Variants in CPNE3 observed in about 807,000 individuals in gnomAD.
The protein encoded by CPNE3 is copine-3.
A neutral mutation model predicts 63.9 loss-of-function variants in CPNE3; 68 were observed. That is an observed-to-expected ratio of 1.06 (90% CI 0.87 to 1.30). The LOEUF (loss-of-function observed/expected upper bound fraction) is 1.30, where lower values mean the gene tolerates loss of function less well. CPNE3 is among the 50% of genes most tolerant of loss of function. The pLI is 0.00. For missense variants in CPNE3, 665 were observed against 578.1 expected (o/e 1.15, Z -1.54); for synonymous variants, 219 against 197.5 (o/e 1.11, Z -0.91).
intron 2 of CPNE3, among the ~76,000 whole-genome samples, chr8:86,527,339 C>T (rs1820562941): frequency 6.6e-6 from 1 of 152,144 alleles, no homozygotes; most frequent in African/African-American, 2.4e-5. Flanking sequence ...CCTTTCATTC[C>T]CTGGGTTCAT....
rs117417588 is a variant in CPNE3 at position 86,528,411 on chromosome 8, G to A, written c.-10-125G>A. On this transcript the variant is annotated intron_variant, in intron 2 of 16. Coordinates refer to ENST00000517490, the MANE Select transcript of CPNE3 (RefSeq NM_003909.5). Reference sequence around the variant, plus strand: ...GAGGTGCATATAACAGTCTGATTCTGGCAAGTTCACTCTATAAGCCTATTG... The same window carrying A: ...GAGGTGCATATAACAGTCTGATTCTAGCAAGTTCACTCTATAAGCCTATTG... The A allele has an allele frequency of 3.3e-3, 3,193 of 971,322 alleles. 10 individuals carry two copies. Among genetic ancestry groups the A allele is most frequent in the Non-Finnish European group, 4.4e-3 (2,849 of 653,294 alleles). The allele number at this position is 971,322 out of a possible 1,614,324, so 60.2% of individuals were successfully genotyped here.
chr8:86,515,102 AT>A (rs1248521247), intron 1 of CPNE3: 1 of 152,112 alleles, frequency 6.6e-6, no homozygotes, highest in Non-Finnish European at 1.5e-5. Flanking sequence ...AAACAAGGAG[AT>A]TGTGAGAAGT....
At chr8:86,553,098 T>C (rs1899288) in intron 14 of CPNE3, among the ~76,000 whole-genome samples, 126,843 of 150,964 alleles carry the variant, frequency 0.84, 53,961 homozygotes, top group African/African-American at 0.92. Context: ...TGCTGACCTC[T>C]TGTGATCTAC....
intron 5 of CPNE3, among the ~76,000 whole-genome samples, chr8:86,531,561 C>G (rs746682839): frequency 6.6e-6 from 1 of 152,088 alleles, no homozygotes; most frequent in Admixed American, 6.6e-5. Context: ...GTTTGGTTCT[C>G]TACTGGAGGA....
chr8:86,527,249 C>T (rs754533353), intron 2 of CPNE3, among the ~76,000 whole-genome samples: 17 of 152,162 alleles, frequency 1.1e-4, no homozygotes, highest in Non-Finnish European at 2.2e-4. Flanking sequence ...TGCCCTAGCA[C>T]CATCAACCTC....
At chr8:86,548,954 C>G (rs1319768239) in intron 12 of CPNE3, among the ~76,000 whole-genome samples, 3 of 152,074 alleles carry the variant, frequency 2.0e-5, no homozygotes, top group Non-Finnish European at 4.4e-5. Flanking sequence ...TGACTTTTAA[C>G]AAGTGCTGAA....
intron 14 of CPNE3, among the ~76,000 whole-genome samples, chr8:86,554,404 A>G (rs569056021): frequency 6.6e-6 from 1 of 152,376 alleles, no homozygotes; most frequent in South Asian, 2.1e-4. Flanking sequence ...TAGAATTAAT[A>G]TTAGGTTTAT....
At chr8:86,553,055 G>T (rs1305811004) in intron 14 of CPNE3, among the ~76,000 whole-genome samples, 2 of 144,980 alleles carry the variant, frequency 1.4e-5, no homozygotes, top group African/African-American at 5.1e-5. Flanking sequence ...GTAAAGACAG[G>T]GTTTCACCAT....
At chr8:86,536,382 T>G (rs891055351) in intron 6 of CPNE3, among the ~76,000 whole-genome samples, 4 of 150,958 alleles carry the variant, frequency 2.6e-5, no homozygotes, top group Non-Finnish European at 5.9e-5. Flanking sequence ...AATTATTGTT[T>G]TAGTTCTAAT....
intron 2 of CPNE3, among the ~76,000 whole-genome samples, chr8:86,528,072 C>A (rs978656270): frequency 6.7e-6 from 1 of 150,198 alleles, no homozygotes; most frequent in African/African-American, 2.5e-5. Context: ...CCTCAGCCTT[C>A]CTAGTAGCTG....
Position 86,560,460 on chromosome 8 carries a change from A to T in CPNE3, c.*2050A>T, listed in dbSNP as rs1296739192. On this transcript the variant is annotated 3_prime_UTR_variant, in exon 17 of 17. Coordinates refer to ENST00000517490, the MANE Select transcript of CPNE3 (RefSeq NM_003909.5). Reference sequence around the variant, plus strand: ...CCACAGCAGCCCCTGAGTCACCTGCACAAGGTGCTTGGGAACTGCTGGTTA... The same window carrying T: ...CCACAGCAGCCCCTGAGTCACCTGCTCAAGGTGCTTGGGAACTGCTGGTTA... The T allele has an allele frequency of 6.6e-6, 1 of 152,186 alleles. No homozygotes were observed. The highest frequency in any genetic ancestry group is 1.9e-4 in the East Asian group (1 of 5,196). The allele number at this position is 152,186 out of a possible 1,614,324, so 9.4% of individuals were successfully genotyped here. A position where few individuals can be genotyped will look rare whatever the true frequency, so the allele number is the denominator to read the frequency against.
At chr8:86,530,810 G>A (rs1820662988) in intron 4 of CPNE3, among the ~76,000 whole-genome samples, 1 of 151,290 alleles carries the variant, frequency 6.6e-6, no homozygotes, top group Non-Finnish European at 1.5e-5. Flanking sequence ...TCCTGCCTCA[G>A]TATCCCGAGT....
In CPNE3 at chr8:86,515,785, G is replaced by A. The variant is rs117960442; in HGVS notation, c.-11+286G>A. 2.0e-3 allele frequency among the ~76,000 whole-genome samples: 312 copies of A among 152,250 alleles called. 1 individual carries two copies. The East Asian group carries it at 0.049, about 24-fold the overall frequency. On this transcript the variant is annotated intron_variant, in intron 2 of 16. Coordinates refer to ENST00000517490, the MANE Select transcript of CPNE3 (RefSeq NM_003909.5). ...GCAAAGTGCTTGACACGTAGTTAGTGGTAAGCTATATATAGCCACATATAT... is the reference window on the plus strand; with the variant it reads ...GCAAAGTGCTTGACACGTAGTTAGTAGTAAGCTATATATAGCCACATATAT...
intron 5 of CPNE3, among the ~76,000 whole-genome samples, chr8:86,532,207 G>T (rs1820698286): frequency 6.6e-6 from 1 of 152,164 alleles, no homozygotes; most frequent in Non-Finnish European, 1.5e-5. Context: ...TGTGTAGAGG[G>T]TATTCTCAGT....
rs1820768732 is a variant in CPNE3 at position 86,534,846 on chromosome 8, A to T, written c.459+2266A>T. Among the ~76,000 whole-genome samples, 2 of 152,214 alleles carry T rather than the reference A, an allele frequency of 1.3e-5. 1 individual carries two copies. Among genetic ancestry groups the T allele is most frequent in the Admixed American group, 1.3e-4 (2 of 15,280 alleles). The stretch of plus-strand genomic sequence containing the variant: ...TCCCCCATATTTACCATTTTTCAAA[A>T]TTATAAGTTGGTTCCCTAGCATCCA... On this transcript the variant is annotated intron_variant, in intron 6 of 16. Transcript: ENST00000517490.
chr8:86,534,137 C>T (rs1312359617), intron 6 of CPNE3, among the ~76,000 whole-genome samples: 1 of 151,816 alleles, frequency 6.6e-6, no homozygotes, highest in African/African-American at 2.4e-5. Context: ...CTGCATATGG[C>T]TAATTAAATC....
At chr8:86,522,346 G>A (rs968329550) in intron 2 of CPNE3, among the ~76,000 whole-genome samples, 24 of 152,216 alleles carry the variant, frequency 1.6e-4, no homozygotes, top group African/African-American at 5.5e-4. Flanking sequence ...TATTCAGTAA[G>A]TAATTGTTTT....
At chr8:86,529,921 A>G (rs1416784383) in intron 4 of CPNE3, among the ~76,000 whole-genome samples, 1 of 152,176 alleles carries the variant, frequency 6.6e-6, no homozygotes, top group African/African-American at 2.4e-5. Flanking sequence ...CTCAAAAGCA[A>G]TATGAAACTG....
At chr8:86,551,980 T>C (rs2131495702) in intron 14 of CPNE3, among the ~76,000 whole-genome samples, 1 of 152,368 alleles carries the variant, frequency 6.6e-6, no homozygotes, top group South Asian at 2.1e-4. Context: ...TTTACTTTTT[T>C]CCTTATACCT....
Sources: gnomAD v4.1 joint callset for allele counts (sites outside exome capture counted in the v4.1 genomes callset) on GRCh38, gnomAD v4.1.1 for gene constraint, MANE v1.5 for transcripts, NCBI Gene and HGNC (gene_info 2026-07-23, HGNC 2026-07-21) for gene names.